The following TMC3 variants were observed in gnomAD, a reference collection of about 807,000 sequenced individuals.
The protein encoded by TMC3 is transmembrane channel-like protein 3.
Under a neutral mutation model 110.6 loss-of-function variants are expected in TMC3, and 98 were observed. The ratio of observed to expected loss-of-function variants is 0.89; its 90% CI spans 0.75 to 1.05. The LOEUF (loss-of-function observed/expected upper bound fraction) is 1.05. Among genes scored for constraint, TMC3 ranks in the 50% least tolerant of loss-of-function variants. The probability of loss-of-function intolerance (pLI) is 0.00; values close to 1 mark genes in which losing one functional copy is unlikely to be tolerated. For synonymous variants in TMC3, 489 were observed against 513.1 expected (o/e 0.95, Z 0.63); for missense variants, 1,319 against 1,373.2 (o/e 0.96, Z 0.62).
intron 5 of TMC3, among the ~76,000 whole-genome samples, chr15:81,359,124 T>C (rs1267155686): frequency 6.6e-6 from 1 of 152,248 alleles, no homozygotes. Context: ...CACTGGTTGA[T>C]ATACTGTCTG....
chr15:81,369,333 T>C (rs1411400766), intron 2 of TMC3, among the ~76,000 whole-genome samples: 4 of 151,980 alleles, frequency 2.6e-5, no homozygotes, highest in Non-Finnish European at 4.4e-5. Flanking sequence ...TGGATCTCTC[T>C]TCCTACCATT....
At position 81,331,941 on chromosome 15, in the gene TMC3, A is replaced by C. The variant is rs1041302770; in HGVS notation, c.*478T>G. The C allele has an allele frequency of 5.2e-5, 8 of 154,990 alleles. No homozygotes were observed. Among genetic ancestry groups the C allele is most frequent in the African/African-American group, 1.9e-4 (8 of 41,458 alleles). The allele number at this position is 154,990 out of a possible 1,614,324, so 9.6% of individuals were successfully genotyped here. A position where few individuals can be genotyped will look rare whatever the true frequency, so the allele number is the denominator to read the frequency against. On this transcript the variant is annotated 3_prime_UTR_variant, in exon 22 of 22. Transcript: ENST00000359440. The stretch of plus-strand genomic sequence containing the variant: ...GGGGAGAAGCAACGCAAGACCCCGG[A>C]AGCATGCCAACGTGTAAAACCCCAA...
chr15:81,344,802 A>C lies in TMC3; in HGVS notation c.1482T>G (p.Ser494Arg). The C allele has an allele frequency of 6.2e-7, 1 of 1,613,864 alleles. No homozygotes were observed. The highest frequency in any genetic ancestry group is 2.2e-5 in the East Asian group (1 of 44,880). ...KANKTSLHTQ[S>R]PQDQCWETYV... Reference sequence around the variant, plus strand: ...ATGTCTCCCAGCACTGGTCTTGTGGACTCTGAGTGTGGAGGCTAGTCTTGT... The same window carrying C: ...ATGTCTCCCAGCACTGGTCTTGTGGCCTCTGAGTGTGGAGGCTAGTCTTGT... The change falls in exon 13 of 22, where the codon AGT becomes AGG. Residue 494 changes from serine to arginine, a missense_variant. Coordinates refer to ENST00000359440, the MANE Select transcript of TMC3 (RefSeq NM_001080532.3).
At chr15:81,358,105 A>T in intron 7 of TMC3, 44 bp downstream of exon 7, 1 of 1,525,052 alleles carries the variant, frequency 6.6e-7, no homozygotes, top group Non-Finnish European at 8.8e-7. Flanking sequence ...CATTACACAT[A>T]TCATAACGCT....
chr15:81,344,933 C>T lies in TMC3; in HGVS notation c.1351G>A (p.Glu451Lys), dbSNP rs1893793552. 4 of 1,613,660 alleles carry T rather than the reference C, an allele frequency of 2.5e-6. No individual in the cohort carries two copies. The highest frequency in any genetic ancestry group is 1.6e-4 in the Middle Eastern group (1 of 6,062). ...CCAGGCCGAGATGTGGACCATTTCT[C>T]TTCTTCAGGGGCTGTCCTGGTTGCA... ...FFATRTAPEE[E>K]KWSTSRPGMG... Residue 451 changes from glutamate (E) to lysine (K), a missense_variant, in exon 13 of 22, where the codon GAG becomes AAG. Physicochemically the swap from Glu to Lys is moderately conservative, Grantham distance 56. Coordinates refer to ENST00000359440, the MANE Select transcript of TMC3 (RefSeq NM_001080532.3).
intron 3 of TMC3, among the ~76,000 whole-genome samples, chr15:81,364,367 T>A (rs1032583760): frequency 7.2e-5 from 11 of 151,882 alleles, no homozygotes; most frequent in African/African-American, 2.7e-4. Flanking sequence ...GGGGAAAAAG[T>A]TTCATGCTTC....
Position 81,333,265 on chromosome 15 carries a change from G to GT in TMC3, c.2460-4dup, listed in dbSNP as rs1039862463. The GT allele has an allele frequency of 3.8e-6, 6 of 1,597,894 alleles. No individual in the cohort carries two copies. In the African/African-American group the frequency reaches 5.3e-5, roughly 14 times the overall value. On this transcript the variant is annotated splice_polypyrimidine_tract_variant and splice_region_variant and intron_variant, in intron 21 of 21. Transcript: ENST00000359440. ...TTGCACACAGACCGTGCAGATACCT[G>GT]TAAGACAGGGGCGGTTAAGTAGCTG... is the stretch of plus-strand genomic sequence containing the variant.
Position 81,332,539 on chromosome 15 carries a change from C to T in TMC3, c.3183G>A (p.Leu1061=), listed in dbSNP as rs946929156. The change falls in exon 22 of 22, where the codon CTG becomes CTA. Residue 1061 remains leucine, a synonymous_variant. Transcript: ENST00000359440. ...DQQNSSADQY[L]QVTHSQGRFP... ...ACCTGCCCTGGCTGTGGGTGACCTGCAGGTACTGGTCAGCGCTGCTGTTCT... is the reference window on the plus strand; with the variant it reads ...ACCTGCCCTGGCTGTGGGTGACCTGTAGGTACTGGTCAGCGCTGCTGTTCT... 4 of 1,613,854 alleles carry T rather than the reference C, an allele frequency of 2.5e-6. No homozygotes were observed. The highest frequency in any genetic ancestry group is 3.4e-6 in the Non-Finnish European group (4 of 1,179,854).
At position 81,359,439 on chromosome 15, in the gene TMC3, T is replaced by C. The variant is rs1257534440; in HGVS notation, c.427A>G (p.Ile143Val). Reference sequence around the variant, plus strand: ...ATTCCAAATAACCATCTCAAGAATATGAAATAGGAGGCAACGCCAGATCCA... The same window carrying C: ...ATTCCAAATAACCATCTCAAGAATACGAAATAGGAGGCAACGCCAGATCCA... ...HFGSGVASYF[I>V]FLRWLFGINI... Residue 143 changes from isoleucine to valine, a missense_variant, in exon 5 of 22, where the codon ATA becomes GTA. By Grantham distance (29) the Ile-to-Val change is conservative (BLOSUM62 3). Transcript: ENST00000359440. The C allele has an allele frequency of 6.2e-7, 1 of 1,603,232 alleles. No homozygotes were observed. Among genetic ancestry groups the C allele is most frequent in the Non-Finnish European group, 8.5e-7 (1 of 1,175,886 alleles).
chr15:81,338,010 G>A, intron 18 of TMC3, 86 bp from the exon 19 acceptor site: 1 of 1,082,866 alleles, frequency 9.2e-7, no homozygotes. Flanking sequence ...TAGTTGGCAG[G>A]AATGAGAGGC....
Position 81,332,895 on chromosome 15 carries a change from C to T in TMC3, c.2827G>A (p.Glu943Lys). The T allele has an allele frequency of 6.2e-7, 1 of 1,613,312 alleles. No individual in the cohort carries two copies. The highest frequency in any genetic ancestry group is 8.5e-7 in the Non-Finnish European group (1 of 1,179,862). The change falls in exon 22 of 22, where the codon GAA (glutamate) becomes AAA (lysine). Residue 943 changes from glutamate (E) to lysine (K), a missense_variant. Coordinates refer to ENST00000359440, the MANE Select transcript of TMC3 (RefSeq NM_001080532.3). ...PRQPPSPQLS[E>K]EEEETPSRDW... ...CTGCTTGGCGTCTCCTCCTCTTCTT[C>T]ACTCAGCTGTGGGGAGGGAGGCTGG...
intron 10 of TMC3, among the ~76,000 whole-genome samples, chr15:81,349,817 A>G (rs1893906704): frequency 7.2e-6 from 1 of 138,360 alleles, no homozygotes; most frequent in Admixed American, 7.6e-5. Flanking sequence ...CATACATCCC[A>G]TTTGGGATTC....
intron 3 of TMC3, among the ~76,000 whole-genome samples, chr15:81,363,934 G>T (rs112241971): frequency 0.021 from 3,204 of 152,274 alleles, 45 homozygotes; most frequent in Non-Finnish European, 0.032. Flanking sequence ...AGTCTAAGAA[G>T]CACAGGGCGG....
In TMC3 at chr15:81,368,785, G is replaced by A. The variant is rs185015430; in HGVS notation, c.237-457C>T. On this transcript the variant is annotated intron_variant, in intron 2 of 21. Transcript: ENST00000359440. ...AAAGGTTGGTGTCTGATTAATGGCAGCAAAAAAGTCATGTCTACATAGACA... is the reference window on the plus strand; with the variant it reads ...AAAGGTTGGTGTCTGATTAATGGCAACAAAAAAGTCATGTCTACATAGACA... Among the ~76,000 whole-genome samples, 14 of 152,214 alleles carry A rather than the reference G, an allele frequency of 9.2e-5. No individual in the cohort carries two copies. In the East Asian group the frequency reaches 2.5e-3, roughly 27 times the overall value.
chr15:81,349,467 T>C lies in TMC3; in HGVS notation c.1184A>G (p.Gln395Arg). 6.6e-7 allele frequency: 1 copy of C among 1,518,104 alleles called. No homozygotes were observed. The highest frequency in any genetic ancestry group is 8.8e-7 in the Non-Finnish European group (1 of 1,131,738). 94.0% of individuals were successfully genotyped at this position (1,518,104 alleles called of 1,614,324 possible). ...MYHPRTTLRF[Q>R]LARVLVLYLG... The stretch of plus-strand genomic sequence containing the variant: ...GGCAGGACTGTTGTACCTTGCAAGC[T>C]GGAAGCGCAGCGTGGTCCTGGGGTG... The change falls in exon 11 of 22, where the codon CAG becomes CGG. Residue 395 changes from glutamine (Q) to arginine (R), a missense_variant. Coordinates refer to ENST00000359440, the MANE Select transcript of TMC3 (RefSeq NM_001080532.3).
chr15:81,351,572 G>T, intron 10 of TMC3, 122 bp downstream of exon 10: 1 of 1,263,760 alleles, frequency 7.9e-7, no homozygotes, highest in Non-Finnish European at 1.1e-6. Context: ...GGCTGGGCTG[G>T]AACTCCTGAC....
At chr15:81,338,616 C>G (rs1893646791) in intron 18 of TMC3, 39 bp downstream of exon 18, 2 of 1,597,166 alleles carry the variant, frequency 1.3e-6, no homozygotes, top group Non-Finnish European at 1.7e-6. Context: ...TGGCCAAACA[C>G]ACAGAAGTCC....
intron 7 of TMC3, among the ~76,000 whole-genome samples, chr15:81,357,600 C>A (rs1894093211): frequency 1.3e-5 from 2 of 152,108 alleles, no homozygotes; most frequent in African/African-American, 2.4e-5. Flanking sequence ...CTAACCCCCA[C>A]CAGATTGCGT....
chr15:81,339,675 G>C (rs1893672295), intron 16 of TMC3, among the ~76,000 whole-genome samples, 171 bp from the exon 17 acceptor site: 1 of 152,168 alleles, frequency 6.6e-6, no homozygotes, highest in Non-Finnish European at 1.5e-5. Flanking sequence ...ATGCAGCTTA[G>C]AAACCTAGAA....
Sources: gnomAD v4.1 joint callset for allele counts (sites outside exome capture counted in the v4.1 genomes callset) on GRCh38, gnomAD v4.1.1 for gene constraint, MANE v1.5 for transcripts, NCBI Gene and HGNC (gene_info 2026-07-23, HGNC 2026-07-21) for gene names.